The following CDC42BPA variants were observed in gnomAD, a reference collection of about 807,000 sequenced individuals.
CDC42BPA encodes the protein CDC42 binding protein kinase alpha, also known as serine/threonine-protein kinase MRCK alpha.
A neutral mutation model predicts 223.5 loss-of-function variants in CDC42BPA; 80 were observed. The ratio of observed to expected loss-of-function variants is 0.36; its 90% confidence interval spans 0.30 to 0.43. CDC42BPA has a LOEUF of 0.43. CDC42BPA is among the 20% of genes least tolerant of loss of function. CDC42BPA has a pLI of 1.00. For synonymous variants in CDC42BPA, 694 were observed against 718.6 expected, an observed-to-expected ratio of 0.97 and a Z score of 0.55; for missense variants, 1,743 against 2,099.9, an observed-to-expected ratio of 0.83 and a Z score of 3.32.
chr1:226,999,017 T>A (rs1343087699), intron 35 of CDC42BPA, among the ~76,000 whole-genome samples: 1 of 152,050 alleles, frequency 6.6e-6, no homozygotes, highest in Non-Finnish European at 1.5e-5. Context: ...AGAAGACATT[T>A]ATGCGGCCAA....
intron 2 of CDC42BPA, among the ~76,000 whole-genome samples, chr1:227,253,240 AAGAGAGCGAGAGAGAGAGCGAG>A (rs1331220028): frequency 7.0e-6 from 1 of 143,080 alleles, no homozygotes; most frequent in Non-Finnish European, 1.5e-5. Context: ...GAGAGAGAGA[AAGAGAGCGAGAGAGAGAGCGAG>A]AGAGAGCGCG....
chr1:227,277,229 G>A (rs1687257462), intron 1 of CDC42BPA, among the ~76,000 whole-genome samples: 1 of 133,650 alleles, frequency 7.5e-6, no homozygotes, highest in Non-Finnish European at 1.6e-5. Flanking sequence ...CTTGCCAAAT[G>A]ACCAACAGAG....
intron 1 of CDC42BPA, among the ~76,000 whole-genome samples, chr1:227,257,036 C>T (rs151046228): frequency 2.0e-5 from 3 of 150,824 alleles, no homozygotes; most frequent in Non-Finnish European, 4.4e-5. Context: ...CTGATACGTG[C>T]TATAATGTGG....
At chr1:226,997,423 G>T (rs1255063319) in intron 35 of CDC42BPA, among the ~76,000 whole-genome samples, 2 of 152,122 alleles carry the variant, frequency 1.3e-5, no homozygotes, top group East Asian at 1.9e-4. Flanking sequence ...CTGATTTTTT[G>T]AAGGGTTTTT....
At position 227,072,275 on chromosome 1, in the gene CDC42BPA, C is replaced by G. The variant is rs765867915; in HGVS notation, c.2760G>C (p.Lys920Asn). The change falls in exon 20 of 37, where the codon AAG (lysine) becomes AAC (asparagine). Residue 920 changes from lysine to asparagine, a missense_variant. Lys to Asn is a moderately conservative substitution (Grantham distance 94). Around this residue, in one of 6 missense-constraint regions of CDC42BPA, gnomAD observed 678 missense variants for 777.5 expected, o/e 0.87. Coordinates refer to ENST00000366766, the MANE Select transcript of CDC42BPA (RefSeq NM_001394014.1). ...CGATTTCTGAGAGTAGTTCCAAGTT[C>G]TTCTTCTCTGAATCTTTTAGTTTAC... ...TECKLKDSEKKNLELLSEIEQ... is the reference protein window; with the variant it reads ...TECKLKDSEKNNLELLSEIEQ... The G allele has an allele frequency of 6.9e-6, 11 of 1,601,998 alleles. No homozygotes were observed. Among genetic ancestry groups the G allele is most frequent in the South Asian group, 3.3e-5 (3 of 90,574 alleles).
intron 1 of CDC42BPA, among the ~76,000 whole-genome samples, chr1:227,297,394 A>T (rs1690828255): frequency 6.6e-6 from 1 of 151,916 alleles, no homozygotes. Flanking sequence ...CAAAAAGTTA[A>T]ACATAGAATT....
intron 2 of CDC42BPA, among the ~76,000 whole-genome samples, chr1:227,253,122 C>T (rs1682317141): frequency 6.6e-6 from 1 of 151,900 alleles, no homozygotes; most frequent in African/African-American, 2.4e-5. Context: ...GTTAAAATGC[C>T]AATTGTCTGC....
At chr1:227,259,573 C>G (rs1411038743) in intron 1 of CDC42BPA, among the ~76,000 whole-genome samples, 2 of 150,884 alleles carry the variant, frequency 1.3e-5, no homozygotes. Context: ...TAGCTCACAA[C>G]TAGACACGGT....
At chr1:227,200,166 C>T (rs1336023631) in intron 3 of CDC42BPA, among the ~76,000 whole-genome samples, 1 of 152,092 alleles carries the variant, frequency 6.6e-6, no homozygotes, top group African/African-American at 2.4e-5. Context: ...CGCAGTGGCT[C>T]ACGCCTATAA....
intron 2 of CDC42BPA, among the ~76,000 whole-genome samples, chr1:227,244,154 T>G (rs908448866): frequency 1.1e-4 from 17 of 152,178 alleles, no homozygotes; most frequent in African/African-American, 4.1e-4. Flanking sequence ...GCCTACCCTG[T>G]GACCCAGCAA....
intron 30 of CDC42BPA, among the ~76,000 whole-genome samples, chr1:227,026,422 T>G (rs1668267184): frequency 6.6e-6 from 1 of 152,222 alleles, no homozygotes; most frequent in African/African-American, 2.4e-5. Context: ...TTGCCCAACA[T>G]GAGTTCTATA....
intron 1 of CDC42BPA, among the ~76,000 whole-genome samples, chr1:227,282,066 G>A (rs1688096711): frequency 6.6e-6 from 1 of 151,832 alleles, no homozygotes; most frequent in Non-Finnish European, 1.5e-5. Context: ...ACACATGCCT[G>A]TAATCCCAGC....
intron 5 of CDC42BPA, among the ~76,000 whole-genome samples, chr1:227,182,688 G>A (rs890587301): frequency 1.3e-5 from 2 of 152,142 alleles, no homozygotes; most frequent in African/African-American, 2.4e-5. Context: ...TGGATTGAAG[G>A]ATGCCTAATT....
At chr1:227,243,316 C>T (rs1680327655) in intron 2 of CDC42BPA, among the ~76,000 whole-genome samples, 1 of 152,174 alleles carries the variant, frequency 6.6e-6, no homozygotes, top group African/African-American at 2.4e-5. Flanking sequence ...TACCCCTGAC[C>T]TTAAGAACTG....
chr1:226,999,013 C>T (rs908695366), intron 35 of CDC42BPA, among the ~76,000 whole-genome samples: 1 of 152,070 alleles, frequency 6.6e-6, no homozygotes, highest in Non-Finnish European at 1.5e-5. Context: ...CAAAAGAAGA[C>T]ATTTATGCGG....
At position 227,026,123 on chromosome 1, in the gene CDC42BPA, T is replaced by C. The variant is rs1372235982; in HGVS notation, c.4462A>G (p.Ser1488Gly). The C allele has an allele frequency of 3.7e-6, 6 of 1,605,644 alleles. No individual in the cohort carries two copies. The highest frequency in any genetic ancestry group is 2.7e-5 in the African/African-American group (2 of 74,538). ...CYNAPYLSVY[S>G]ENAVDIFDVN... Reference sequence around the variant, plus strand: ...TCAAAGATATCAACTGCATTTTCACTGTACACCGAGAGATATGGTGCATTG... The same window carrying C: ...TCAAAGATATCAACTGCATTTTCACCGTACACCGAGAGATATGGTGCATTG... The change falls in exon 31 of 37, where the codon AGT becomes GGT. Residue 1488 changes from serine to glycine, a missense_variant. By Grantham distance (56) the Ser-to-Gly change is moderately conservative (BLOSUM62 0). Coordinates refer to ENST00000366766, the MANE Select transcript of CDC42BPA (RefSeq NM_001394014.1).
chr1:227,009,927 C>T (rs1254634261), intron 34 of CDC42BPA, among the ~76,000 whole-genome samples: 1 of 152,156 alleles, frequency 6.6e-6, no homozygotes, highest in South Asian at 2.1e-4. Flanking sequence ...CATCCTACAG[C>T]TAATTTTCTA....
rs138298781 is a variant in CDC42BPA, at chr1:226,992,589, G to A, written c.*1679C>T. The A allele has an allele frequency of 3.2e-4, 48 of 152,320 alleles. No homozygotes were observed. The highest frequency in any genetic ancestry group is 1.1e-3 in the African/African-American group (46 of 41,566). The allele number at this position is 152,320 out of a possible 1,614,324, so 9.4% of individuals were successfully genotyped here. ...TCACAGACAGCAGCAGTGAAATGAT[G>A]GCCTTAAACACTGCAACTCAGGTTA... On this transcript the variant is annotated 3_prime_UTR_variant, in exon 37 of 37. Transcript: ENST00000366766.
At position 227,194,682 on chromosome 1, in the gene CDC42BPA, C is replaced by T. The variant is rs574279421; in HGVS notation, c.451-748G>A. The stretch of plus-strand genomic sequence containing the variant: ...TGTTATAACTTTATGTTCTACATTG[C>T]TTTATAAGCATGTATTACATATACA... On this transcript the variant is annotated intron_variant, in intron 4 of 36. Coordinates refer to ENST00000366766, the MANE Select transcript of CDC42BPA (RefSeq NM_001394014.1). 1.3e-3 allele frequency among the ~76,000 whole-genome samples: 193 copies of T among 152,194 alleles called. 2 individuals carry two copies. Among genetic ancestry groups the T allele is most frequent in the African/African-American group, 4.3e-3 (177 of 41,518 alleles).
Sources: gnomAD v4.1 joint callset for allele counts (sites outside exome capture counted in the v4.1 genomes callset) on GRCh38, gnomAD v4.1.1 for gene constraint, gnomAD v4.1.1 regional missense constraint, MANE v1.5 for transcripts, NCBI Gene and HGNC (gene_info 2026-07-23, HGNC 2026-07-21) for gene names.